Variants in BNIP3L observed in about 807,000 individuals in gnomAD.
BNIP3L encodes BCL2 interacting protein 3 like, also known as BCL2/adenovirus E1B 19 kDa protein-interacting protein 3-like.
BNIP3L carries 10 observed loss-of-function variants against 25.5 expected under a neutral mutation model. That is an observed-to-expected ratio of 0.39 (90% CI 0.24 to 0.67). BNIP3L has a LOEUF of 0.67. Among genes scored for constraint, BNIP3L ranks in the 30% least tolerant of loss-of-function variants. The probability of loss-of-function intolerance (pLI) is 0.45; values close to 1 mark genes in which losing one functional copy is unlikely to be tolerated. For synonymous variants in BNIP3L, 113 were observed against 101.2 expected (o/e 1.12, Z -0.70); for missense variants, 215 against 270.9 (o/e 0.79, Z 1.45).
intron 2 of BNIP3L, among the ~76,000 whole-genome samples, chr8:26,393,990 T>TTAA (rs1395562216): frequency 1.3e-5 from 2 of 152,242 alleles, no homozygotes; most frequent in Non-Finnish European, 2.9e-5. Flanking sequence ...TATACATTAA[T>TTAA]TAACATTATA....
chr8:26,408,892 G>A (rs66979654), intron 5 of BNIP3L, among the ~76,000 whole-genome samples: 955 of 19,702 alleles, frequency 0.048, 121 homozygotes, highest in East Asian at 0.14. Context: ...AAAAAAAAAA[G>A]AAGATGTTCA....
chr8:26,398,834 C>T (rs1052814619), intron 3 of BNIP3L, among the ~76,000 whole-genome samples: 6 of 152,094 alleles, frequency 3.9e-5, no homozygotes, highest in African/African-American at 1.4e-4. Context: ...GGATACATTC[C>T]TCGACACATA....
chr8:26,401,160 C>G (rs1207530517), intron 3 of BNIP3L, among the ~76,000 whole-genome samples: 4 of 139,226 alleles, frequency 2.9e-5, no homozygotes, highest in Non-Finnish European at 4.8e-5. Flanking sequence ...AGACTTGGAA[C>G]CAACCCAAAT....
At chr8:26,393,704 C>T (rs1806164418) in intron 2 of BNIP3L, among the ~76,000 whole-genome samples, 1 of 152,076 alleles carries the variant, frequency 6.6e-6, no homozygotes, top group South Asian at 2.1e-4. Flanking sequence ...TGACCCTTAA[C>T]TTGATGTGTA....
At chr8:26,400,227 A>G (rs1057394850) in intron 3 of BNIP3L, among the ~76,000 whole-genome samples, 3 of 152,080 alleles carry the variant, frequency 2.0e-5, no homozygotes, top group East Asian at 3.9e-4. Flanking sequence ...ATATAGATCA[A>G]TGGAACAGAA....
chr8:26,383,296 C>T (rs934294339), intron 1 of BNIP3L, 66 bp downstream of exon 1: 2 of 1,548,636 alleles, frequency 1.3e-6, no homozygotes, highest in Admixed American at 2.0e-5. Flanking sequence ...CCGCCGCCAC[C>T]GGCGCGGCGC....
intron 2 of BNIP3L, 112 bp from the exon 3 acceptor site, chr8:26,395,118 T>G: frequency 9.9e-7 from 1 of 1,010,868 alleles, no homozygotes; most frequent in Non-Finnish European, 1.4e-6. Flanking sequence ...TTCTCTGATT[T>G]GCTTTTTCAA....
At chr8:26,400,009 A>G (rs1014967818) in intron 3 of BNIP3L, among the ~76,000 whole-genome samples, 9 of 151,568 alleles carry the variant, frequency 5.9e-5, no homozygotes, top group Admixed American at 5.2e-4. Context: ...TTACAGATTC[A>G]GTGCCATCCC....
rs1328186402 is a variant in BNIP3L at position 26,412,284 on chromosome 8, C to G, written c.*1872C>G. 6.6e-6 allele frequency: 1 copy of G among 152,032 alleles called. No homozygotes were observed. The highest frequency in any genetic ancestry group is 1.5e-5 in the Non-Finnish European group (1 of 68,008). 9.4% of individuals were successfully genotyped at this position (152,032 alleles called of 1,614,324 possible). ...TGATGGCTCACTGATTTTTGAAAAGCCTGAATAAAATTGGAAAGACTGGAA... is the reference window on the plus strand; with the variant it reads ...TGATGGCTCACTGATTTTTGAAAAGGCTGAATAAAATTGGAAAGACTGGAA... On this transcript the variant is annotated 3_prime_UTR_variant, in exon 6 of 6. Transcript: ENST00000380629.
intron 3 of BNIP3L, among the ~76,000 whole-genome samples, chr8:26,407,413 C>G (rs1806525848): frequency 6.6e-6 from 1 of 151,946 alleles, no homozygotes; most frequent in South Asian, 2.1e-4. Flanking sequence ...GTCTCGATCT[C>G]CTGACCTTGT....
At chr8:26,405,929 GCTA>G (rs1464376622) in intron 3 of BNIP3L, among the ~76,000 whole-genome samples, 2 of 152,144 alleles carry the variant, frequency 1.3e-5, no homozygotes, top group African/African-American at 2.4e-5. Context: ...TGTAATCCCA[GCTA>G]CTCTGGAAGC....
intron 3 of BNIP3L, among the ~76,000 whole-genome samples, chr8:26,405,748 T>G (rs753700119): frequency 1.6e-4 from 25 of 152,128 alleles, no homozygotes; most frequent in Admixed American, 3.3e-4. Flanking sequence ...TGACATCCCT[T>G]AAAACTGACT....
At chr8:26,394,402 A>G (rs1806183822) in intron 2 of BNIP3L, among the ~76,000 whole-genome samples, 1 of 152,192 alleles carries the variant, frequency 6.6e-6, no homozygotes, top group South Asian at 2.1e-4. Context: ...ACATACCTTT[A>G]CATTCTTAAA....
rs1806102897 is a variant in BNIP3L, at chr8:26,391,229, G to A, written c.101-14G>A. On this transcript the variant is annotated splice_polypyrimidine_tract_variant and intron_variant, in intron 1 of 5. Transcript: ENST00000380629. ...CAGTTCTGCTGTGGTTAACTTATCT[G>A]ACTTGTCCAACAGGTTCCTGGGTGG... is the stretch of plus-strand genomic sequence containing the variant. 6.4e-7 allele frequency: 1 copy of A among 1,567,754 alleles called. No individual in the cohort carries two copies. The highest frequency in any genetic ancestry group is 1.2e-5 in the South Asian group (1 of 82,798).
At chr8:26,402,699 A>T (rs1806414445) in intron 3 of BNIP3L, among the ~76,000 whole-genome samples, 1 of 152,108 alleles carries the variant, frequency 6.6e-6, no homozygotes, top group Admixed American at 6.6e-5. Context: ...TGGAGGTGGG[A>T]GGATCCCTTG....
Position 26,410,608 on chromosome 8 carries a change from T to C in BNIP3L, c.*196T>C. 1 of 619,416 alleles carries C rather than the reference T, an allele frequency of 1.6e-6. No homozygotes were observed. The highest frequency in any genetic ancestry group is 2.8e-6 in the Non-Finnish European group (1 of 359,806). 38.4% of individuals were successfully genotyped at this position (619,416 alleles called of 1,614,324 possible). ...CATTTTACTAACCTTATACCCTTTT[T>C]GGCCTGAAGACATTTTAGAATTTCC... On this transcript the variant is annotated 3_prime_UTR_variant, in exon 6 of 6. Coordinates refer to ENST00000380629, the MANE Select transcript of BNIP3L (RefSeq NM_004331.3).
At chr8:26,402,213 T>G (rs2117487584) in intron 3 of BNIP3L, among the ~76,000 whole-genome samples, 1 of 152,352 alleles carries the variant, frequency 6.6e-6, no homozygotes, top group South Asian at 2.1e-4. Context: ...TCAACACAAA[T>G]TTATTTTATG....
At position 26,391,143 on chromosome 8, in the gene BNIP3L, G is replaced by A. The variant is rs906373531; in HGVS notation, c.101-100G>A. 12 of 1,004,566 alleles carry A rather than the reference G, an allele frequency of 1.2e-5. No individual in the cohort carries two copies. The Middle Eastern group carries it at 9.8e-4, about 82-fold the overall frequency. 62.2% of individuals were successfully genotyped at this position (1,004,566 alleles called of 1,614,324 possible). On this transcript the variant is annotated intron_variant, in intron 1 of 5. Transcript: ENST00000380629. ...CAGAATACTTTTACATTTGGTTTGA[G>A]GAGAGTCAGAATTCTTATCTGGATT...
intron 3 of BNIP3L, chr8:26,395,605 A>G (rs1441063842): frequency 2.6e-5 from 7 of 270,688 alleles, no homozygotes; most frequent in Non-Finnish European, 4.2e-5. Flanking sequence ...CTTTAAGACC[A>G]CAGAATAGGG....
Sources: gnomAD v4.1 joint callset for allele counts (sites outside exome capture counted in the v4.1 genomes callset) on GRCh38, gnomAD v4.1.1 for gene constraint, MANE v1.5 for transcripts, NCBI Gene and HGNC (gene_info 2026-07-23, HGNC 2026-07-21) for gene names.